Variants in ST6GALNAC3 observed in about 807,000 individuals in gnomAD.
The protein encoded by ST6GALNAC3 is ST6 N-acetylgalactosaminide alpha-2,6-sialyltransferase 3.
Under a neutral mutation model 32.7 loss-of-function variants are expected in ST6GALNAC3, and 25 were observed. The observed-to-expected ratio is 0.76, with a 90% CI of 0.56 to 1.07. ST6GALNAC3 has a LOEUF of 1.07. Among genes scored for constraint, ST6GALNAC3 ranks in the 50% least tolerant of loss-of-function variants. The pLI is 0.00. For missense variants in ST6GALNAC3, 355 were observed against 382.4 expected (o/e 0.93, Z 0.60); for synonymous variants, 129 against 133.1 (o/e 0.97, Z 0.21).
chr1:76,120,958 C>G (rs1160319775), intron 1 of ST6GALNAC3, among the ~76,000 whole-genome samples: 4 of 152,166 alleles, frequency 2.6e-5, no homozygotes, highest in Admixed American at 1.3e-4. Flanking sequence ...CTAGAGGCTT[C>G]TGATATTCCT....
chr1:76,389,261 GTCTCAGTCC>G (rs1276741639), intron 2 of ST6GALNAC3, among the ~76,000 whole-genome samples: 17 of 152,092 alleles, frequency 1.1e-4, no homozygotes, highest in Non-Finnish European at 2.2e-4. Flanking sequence ...AGACAGAATA[GTCTCAGTCC>G]TGAGGCTGAG....
At chr1:76,326,316 C>T (rs977958912) in intron 2 of ST6GALNAC3, among the ~76,000 whole-genome samples, 6 of 152,010 alleles carry the variant, frequency 3.9e-5, no homozygotes, top group African/African-American at 1.4e-4. Flanking sequence ...AAGGGAGGCC[C>T]AAAATGAAGG....
At chr1:76,123,749 ATTTTTTTTTTT>A (rs767734132) in intron 1 of ST6GALNAC3, among the ~76,000 whole-genome samples, 49 of 94,302 alleles carry the variant, frequency 5.2e-4, no homozygotes, top group African/African-American at 1.9e-3. Context: ...ACTCATTTTA[ATTTTTTTTTTT>A]TTTTTTTTTT....
chr1:76,181,092 TCCCAA>T, intron 1 of ST6GALNAC3, among the ~76,000 whole-genome samples: 2 of 152,288 alleles, frequency 1.3e-5, no homozygotes, highest in South Asian at 4.1e-4. Flanking sequence ...GAGCCCAGCA[TCCCAA>T]CCCCTGCACC....
chr1:76,445,761 T>C (rs1248744497), intron 3 of ST6GALNAC3, among the ~76,000 whole-genome samples: 1 of 152,244 alleles, frequency 6.6e-6, no homozygotes, highest in Non-Finnish European at 1.5e-5. Flanking sequence ...AGCTTTTATT[T>C]TTTATGAAAA....
At chr1:76,207,080 C>A (rs2100559151) in intron 1 of ST6GALNAC3, among the ~76,000 whole-genome samples, 1 of 152,340 alleles carries the variant, frequency 6.6e-6, no homozygotes, top group Middle Eastern at 3.4e-3. Flanking sequence ...TGTTGGACTT[C>A]TGATTCCTCT....
chr1:76,145,593 A>G (rs1031492782), intron 1 of ST6GALNAC3, among the ~76,000 whole-genome samples: 4 of 152,222 alleles, frequency 2.6e-5, no homozygotes, highest in African/African-American at 9.6e-5. Flanking sequence ...AATTACGGAA[A>G]TAATTAGTGA....
At chr1:76,156,630 G>A (rs1483693674) in intron 1 of ST6GALNAC3, among the ~76,000 whole-genome samples, 1 of 151,722 alleles carries the variant, frequency 6.6e-6, no homozygotes, top group Admixed American at 6.6e-5. Context: ...TTGTTTTTGA[G>A]GTGTTTCTTT....
At chr1:76,406,789 C>G (rs926080333) in intron 2 of ST6GALNAC3, among the ~76,000 whole-genome samples, 75 of 151,990 alleles carry the variant, frequency 4.9e-4, no homozygotes, top group African/African-American at 1.8e-3. Flanking sequence ...TGAAAGTTAA[C>G]ATATGCTCTT....
At chr1:76,086,484 G>T (rs1367031643) in intron 1 of ST6GALNAC3, among the ~76,000 whole-genome samples, 5 of 152,152 alleles carry the variant, frequency 3.3e-5, no homozygotes, top group African/African-American at 1.2e-4. Context: ...AAATTACTCT[G>T]TAAGTTTTCC....
intron 3 of ST6GALNAC3, among the ~76,000 whole-genome samples, chr1:76,580,615 C>T (rs1646878826): frequency 6.6e-6 from 1 of 152,146 alleles, no homozygotes; most frequent in South Asian, 2.1e-4. Flanking sequence ...TAGCAAATTG[C>T]TGTACTCTTT....
intron 1 of ST6GALNAC3, among the ~76,000 whole-genome samples, chr1:76,244,951 A>T (rs2100679069): frequency 6.6e-6 from 1 of 152,282 alleles, no homozygotes; most frequent in Non-Finnish European, 1.5e-5. Flanking sequence ...GCCTCATAAA[A>T]TGTATTAGGG....
intron 2 of ST6GALNAC3, among the ~76,000 whole-genome samples, chr1:76,356,582 A>C (rs917510493): frequency 6.6e-6 from 1 of 152,170 alleles, no homozygotes; most frequent in East Asian, 1.9e-4. Flanking sequence ...GAAAGGCTGC[A>C]GTGAGACCTA....
intron 3 of ST6GALNAC3, among the ~76,000 whole-genome samples, chr1:76,534,773 T>C (rs1663492689): frequency 6.6e-6 from 1 of 152,230 alleles, no homozygotes. Flanking sequence ...GTCTAAATTG[T>C]ACATGGCATG....
chr1:76,297,748 A>G (rs1026725214), intron 1 of ST6GALNAC3, among the ~76,000 whole-genome samples: 1 of 152,052 alleles, frequency 6.6e-6, no homozygotes, highest in African/African-American at 2.4e-5. Flanking sequence ...AACATAGTAG[A>G]TGCTCAATTA....
At chr1:76,184,522 C>CACACACACACACACAT in intron 1 of ST6GALNAC3, among the ~76,000 whole-genome samples, 1 of 87,616 alleles carries the variant, frequency 1.1e-5, no homozygotes, top group Non-Finnish European at 2.6e-5. Flanking sequence ...CTGGGCAGCA[C>CACACACACACACACAT]ACACACACAC....
chr1:76,135,138 C>T (rs1214507185), intron 1 of ST6GALNAC3, among the ~76,000 whole-genome samples: 1 of 148,456 alleles, frequency 6.7e-6, no homozygotes, highest in Non-Finnish European at 1.5e-5. Flanking sequence ...CGAGACTCTG[C>T]TCAAAAAAAA....
intron 3 of ST6GALNAC3, among the ~76,000 whole-genome samples, chr1:76,428,061 T>A (rs983125975): frequency 2.0e-5 from 3 of 152,124 alleles, no homozygotes; most frequent in African/African-American, 7.2e-5. Flanking sequence ...ATTATTATTG[T>A]TATTATTTTC....
At chr1:76,143,271 A>G (rs371160603) in intron 1 of ST6GALNAC3, among the ~76,000 whole-genome samples, 2 of 152,296 alleles carry the variant, frequency 1.3e-5, no homozygotes, top group African/African-American at 2.4e-5. Context: ...TACAGTGCCT[A>G]TAGAGCATGC....
Sources: allele counts gnomAD v4.1 joint callset (sites outside exome capture counted in the v4.1 genomes callset), GRCh38; gene constraint gnomAD v4.1.1; transcripts MANE v1.5; gene names NCBI Gene and HGNC (gene_info 2026-07-23, HGNC 2026-07-21).